The following CSNK2A2IP variants were observed in gnomAD, a reference collection of about 807,000 sequenced individuals.
CSNK2A2IP encodes the protein casein kinase 2 subunit alpha' interacting protein, also known as casein kinase II subunit alpha'-interacting protein.
chr3:88,444,534 A>G, the CSNK2A2IP span, among the ~76,000 whole-genome samples: 1 of 152,310 alleles, frequency 6.6e-6, no homozygotes, highest in East Asian at 1.9e-4. Flanking sequence ...GCCAAAGATG[A>G]TATTTTAAGG....
At chr3:88,451,432 T>TA in the CSNK2A2IP span, among the ~76,000 whole-genome samples, 1 of 151,924 alleles carries the variant, frequency 6.6e-6, no homozygotes, top group African/African-American at 2.4e-5. Flanking sequence ...CAGGGTTTTT[T>TA]TTTTTCTGCT....
At chr3:88,342,891 T>C in the CSNK2A2IP span, among the ~76,000 whole-genome samples, 2 of 151,946 alleles carry the variant, frequency 1.3e-5, no homozygotes, top group Admixed American at 1.3e-4. Flanking sequence ...TGGTAGCCAA[T>C]AGCCACCAAG....
At chr3:88,350,021 C>A in the CSNK2A2IP span, among the ~76,000 whole-genome samples, 2 of 152,052 alleles carry the variant, frequency 1.3e-5, no homozygotes, top group East Asian at 3.9e-4. Context: ...TCCCTATGCA[C>A]CTTCTTGTCA....
the CSNK2A2IP span, among the ~76,000 whole-genome samples, chr3:88,405,156 C>T: frequency 2.6e-5 from 4 of 152,110 alleles, no homozygotes; most frequent in Non-Finnish European, 4.4e-5. Flanking sequence ...TATTTGGAGT[C>T]GAGTCCAATC....
the CSNK2A2IP span, among the ~76,000 whole-genome samples, chr3:88,454,816 C>T: frequency 3.2e-4 from 48 of 151,724 alleles, no homozygotes; most frequent in African/African-American, 1.1e-3. Context: ...ATCAGAAATA[C>T]TTCCTTTCAA....
At chr3:88,453,723 T>C in the CSNK2A2IP span, among the ~76,000 whole-genome samples, 3 of 152,094 alleles carry the variant, frequency 2.0e-5, no homozygotes, top group Non-Finnish European at 4.4e-5. Context: ...ATACCAGCTT[T>C]ATGTCTATTG....
chr3:88,345,985 C>A, the CSNK2A2IP span, among the ~76,000 whole-genome samples: 2 of 141,148 alleles, frequency 1.4e-5, no homozygotes, highest in Non-Finnish European at 3.2e-5. Flanking sequence ...AAAAGTGATA[C>A]TCCAATGACT....
At chr3:88,394,200 T>A in the CSNK2A2IP span, among the ~76,000 whole-genome samples, 2 of 152,204 alleles carry the variant, frequency 1.3e-5, no homozygotes, top group African/African-American at 4.8e-5. Context: ...GATATGTGTA[T>A]GTTCACCTTT....
the CSNK2A2IP span, among the ~76,000 whole-genome samples, chr3:88,364,744 A>G: frequency 2.8e-3 from 434 of 152,302 alleles, 5 homozygotes; most frequent in African/African-American, 9.7e-3. Context: ...AGTTTCCAGC[A>G]GACTTGTTGT....
chr3:88,421,080 G>A, the CSNK2A2IP span, among the ~76,000 whole-genome samples: 1 of 152,134 alleles, frequency 6.6e-6, no homozygotes, highest in African/African-American at 2.4e-5. Flanking sequence ...TCCGAAGAGA[G>A]ATGTCTTAGC....
chr3:88,377,197 C>A, the CSNK2A2IP span, among the ~76,000 whole-genome samples: 1 of 151,752 alleles, frequency 6.6e-6, no homozygotes, highest in Non-Finnish European at 1.5e-5. Flanking sequence ...AAGTCCTTAA[C>A]CTGAAGTCCT....
At chr3:88,432,927 A>G in the CSNK2A2IP span, among the ~76,000 whole-genome samples, 1 of 151,800 alleles carries the variant, frequency 6.6e-6, no homozygotes, top group South Asian at 2.1e-4. Flanking sequence ...CACAGCTCAT[A>G]TATCTTTCTC....
the CSNK2A2IP span, among the ~76,000 whole-genome samples, chr3:88,442,211 T>A: frequency 2.0e-5 from 3 of 152,252 alleles, no homozygotes; most frequent in East Asian, 5.8e-4. Context: ...TTTTTTAAAA[T>A]TTTTTCTTTT....
chr3:88,447,408 A>G, the CSNK2A2IP span, among the ~76,000 whole-genome samples: 1 of 152,272 alleles, frequency 6.6e-6, no homozygotes, highest in Non-Finnish European at 1.5e-5. Context: ...AAATTTAGAA[A>G]CGTGTAAAAC....
At chr3:88,356,670 A>G in the CSNK2A2IP span, among the ~76,000 whole-genome samples, 1 of 152,136 alleles carries the variant, frequency 6.6e-6, no homozygotes, top group Non-Finnish European at 1.5e-5. Context: ...AGGAGCCTCC[A>G]TACTGTTTTC....
At chr3:88,438,967 T>G in the CSNK2A2IP span, among the ~76,000 whole-genome samples, 4 of 152,162 alleles carry the variant, frequency 2.6e-5, no homozygotes, top group Non-Finnish European at 4.4e-5. Context: ...CTTCAGCCTG[T>G]CTCACCTACT....
the CSNK2A2IP span, among the ~76,000 whole-genome samples, chr3:88,425,968 T>C: frequency 5.7e-3 from 874 of 152,316 alleles, 15 homozygotes; most frequent in African/African-American, 0.02. Context: ...AATTCATTTA[T>C]TCTACATACA....
chr3:88,378,909 A>G, the CSNK2A2IP span, among the ~76,000 whole-genome samples: 4 of 152,058 alleles, frequency 2.6e-5, no homozygotes, highest in Non-Finnish European at 4.4e-5. Flanking sequence ...TGGTTTCAAA[A>G]GCTGCTCCAT....
chr3:88,397,593 A>G, the CSNK2A2IP span, among the ~76,000 whole-genome samples: 96 of 152,306 alleles, frequency 6.3e-4, no homozygotes, highest in Non-Finnish European at 1.2e-3. Flanking sequence ...TAAAATATGA[A>G]AGAGTTTGCC....
Sources: gnomAD v4.1 joint callset for allele counts (sites outside exome capture counted in the v4.1 genomes callset) on GRCh38, gnomAD v4.1.1 for gene constraint, MANE v1.5 for transcripts, NCBI Gene and HGNC (gene_info 2026-07-23, HGNC 2026-07-21) for gene names.